Variants in PLK1 observed in about 807,000 individuals in gnomAD.
PLK1 encodes the protein serine/threonine-protein kinase PLK1.
Under a neutral mutation model 56.7 loss-of-function variants are expected in PLK1, and 6 were observed. That is an observed-to-expected ratio of 0.11 (90% CI 0.06 to 0.21). The LOEUF (loss-of-function observed/expected upper bound fraction) is 0.21, where lower values mean the gene tolerates loss of function less well. Ranked by LOEUF, PLK1 falls within the 10% of genes least tolerant of loss-of-function variation. The probability of loss-of-function intolerance (pLI) is 1.00; values close to 1 mark genes in which losing one functional copy is unlikely to be tolerated. For synonymous variants in PLK1, 298 were observed against 325.0 expected (o/e 0.92, Z 0.89); for missense variants, 546 against 814.4 (o/e 0.67, Z 4.01).
Position 23,678,898 on chromosome 16 carries a change from G to A in PLK1, c.-35G>A, listed in dbSNP as rs113553976. 4 of 1,460,230 alleles carry A rather than the reference G, an allele frequency of 2.7e-6. No individual in the cohort carries two copies. Among genetic ancestry groups the A allele is most frequent in the Non-Finnish European group, 2.7e-6 (3 of 1,104,776 alleles). The allele number at this position is 1,460,230 out of a possible 1,614,324, so 90.5% of individuals were successfully genotyped here. A position where few individuals can be genotyped will look rare whatever the true frequency, so the allele number is the denominator to read the frequency against. Reference sequence around the variant, plus strand: ...AGGAGCGGAGCGGTGCGGAGGCTCTGCTCGGATCGAGGTCTGCAGCGCAGC... The same window carrying A: ...AGGAGCGGAGCGGTGCGGAGGCTCTACTCGGATCGAGGTCTGCAGCGCAGC... On this transcript the variant is annotated 5_prime_UTR_variant, in exon 1 of 10. Coordinates refer to ENST00000300093, the MANE Select transcript of PLK1 (RefSeq NM_005030.6).
chr16:23,689,044 A>G lies in PLK1; in HGVS notation c.1271-194A>G, dbSNP rs1195457812. ...ACTACAGGCGTGCACCATTATGCTC[A>G]GCTAATTTTTAAAATATTTTGTAGA... is the stretch of plus-strand genomic sequence containing the variant. On this transcript the variant is annotated intron_variant, in intron 7 of 9. Transcript: ENST00000300093. The surrounding 1 kb of genome is among the most constrained non-coding windows in gnomAD (Gnocchi z 4.8). 6.6e-6 allele frequency among the ~76,000 whole-genome samples: 1 copy of G among 152,036 alleles called. No individual in the cohort carries two copies. The highest frequency in any genetic ancestry group is 1.5e-5 in the Non-Finnish European group (1 of 68,010).
Position 23,683,978 on chromosome 16 carries a change from T to C in PLK1, c.925T>C (p.Tyr309His). ...LLNDEFFTSG[Y>H]IPARLPITCL... ...TAATGACGAGTTCTTTACTTCTGGC[T>C]ATATCCCTGCCCGTCTCCCCATCAC... The change falls in exon 5 of 10, where the codon TAT (tyrosine) becomes CAT (histidine). Residue 309 changes from tyrosine to histidine, a missense_variant. Tyr to His is a moderately conservative substitution (Grantham distance 83). This residue lies in a region of PLK1 where 157 missense variants were observed against 184.0 expected (regional missense o/e 0.85). Transcript: ENST00000300093. 6.2e-7 allele frequency: 1 copy of C among 1,614,160 alleles called. No individual in the cohort carries two copies. Among genetic ancestry groups the C allele is most frequent in the Non-Finnish European group, 8.5e-7 (1 of 1,180,000 alleles).
chr16:23,684,389 ATT>A (rs1035070421), intron 5 of PLK1, among the ~76,000 whole-genome samples: 113 of 152,154 alleles, frequency 7.4e-4, no homozygotes, highest in Non-Finnish European at 1.2e-3. Context: ...TCTCTCCTCT[ATT>A]TTCCAGGTTG....
Position 23,689,632 on chromosome 16 carries a change from A to T in PLK1, c.1564A>T (p.Ile522Phe). 6.2e-7 allele frequency: 1 copy of T among 1,612,010 alleles called. No homozygotes were observed. The highest frequency in any genetic ancestry group is 8.5e-7 in the Non-Finnish European group (1 of 1,179,272). ...CTGGTTCCGCACCCGCAGCGCCATC[A>T]TCCTGCACCTCAGCAACGGCAGCGT... Reference protein sequence around the residue: ...RTWFRTRSAIILHLSNGSVQI... With the variant: ...RTWFRTRSAIFLHLSNGSVQI... The change falls in exon 9 of 10, where the codon ATC becomes TTC. Residue 522 changes from isoleucine (I) to phenylalanine (F), a missense_variant. Ile to Phe is a conservative substitution (Grantham distance 21, BLOSUM62 0). This residue lies in a region of PLK1 where 113 missense variants were observed against 202.0 expected (regional missense o/e 0.56). Coordinates refer to ENST00000300093, the MANE Select transcript of PLK1 (RefSeq NM_005030.6). The surrounding 1 kb of genome is among the most constrained non-coding windows in gnomAD (Gnocchi z 4.8).
intron 5 of PLK1, among the ~76,000 whole-genome samples, chr16:23,685,888 T>C (rs1441718647): frequency 6.6e-6 from 1 of 152,078 alleles, no homozygotes; most frequent in Non-Finnish European, 1.5e-5. Context: ...TTTCCTCACT[T>C]TTTTTGCATT....
intron 2 of PLK1, 47 bp downstream of exon 2, chr16:23,680,299 T>A: frequency 1.3e-6 from 2 of 1,559,688 alleles, no homozygotes; most frequent in Non-Finnish European, 1.8e-6. Flanking sequence ...TACAAGAGGC[T>A]GGAATTTGGA....
chr16:23,680,219 C>T lies in PLK1; in HGVS notation c.544C>T (p.Leu182Phe). 6.2e-7 allele frequency: 1 copy of T among 1,614,094 alleles called. No homozygotes were observed. Among genetic ancestry groups the T allele is most frequent in the African/African-American group, 1.3e-5 (1 of 75,044 alleles). ...VIHRDLKLGNLFLNEDLEVKI... is the reference protein window; with the variant it reads ...VIHRDLKLGNFFLNEDLEVKI... ...TCATCGAGACCTCAAGCTGGGCAACCTTTTCCTGAATGAAGATCTGGAGGT... is the reference window on the plus strand; with the variant it reads ...TCATCGAGACCTCAAGCTGGGCAACTTTTTCCTGAATGAAGATCTGGAGGT... Residue 182 changes from leucine to phenylalanine, a missense_variant, in exon 2 of 10, where the codon CTT becomes TTT. Physicochemically the swap from Leu to Phe is conservative, Grantham distance 22. Around this residue, in one of 7 missense-constraint regions of PLK1, gnomAD observed 111 missense variants for 211.8 expected, o/e 0.52. Coordinates refer to ENST00000300093, the MANE Select transcript of PLK1 (RefSeq NM_005030.6).
chr16:23,680,339 C>T, intron 2 of PLK1, 87 bp downstream of exon 2: 1 of 1,131,352 alleles, frequency 8.8e-7, no homozygotes, highest in Non-Finnish European at 1.3e-6. Context: ...GGAGACAACC[C>T]ACAAGTCAGT....
chr16:23,680,012 G>A (rs1163313627), intron 1 of PLK1, 72 bp from the exon 2 acceptor site: 6 of 1,085,996 alleles, frequency 5.5e-6, no homozygotes, highest in Non-Finnish European at 8.3e-6. Flanking sequence ...CCTTTGCCTG[G>A]TAACCCTCTC....
chr16:23,680,152 A>G lies in PLK1; in HGVS notation c.477A>G (p.Gln159=), dbSNP rs778386622. ...CTGAGGCCCGATACTACCTACGGCA[A>G]ATTGTGCTTGGCTGCCAGTACCTGC... ...TEPEARYYLR[Q]IVLGCQYLHR... is the part of the protein sequence containing the mutation. Residue 159 remains glutamine (Q), a synonymous_variant, in exon 2 of 10, where the codon CAA becomes CAG. Coordinates refer to ENST00000300093, the MANE Select transcript of PLK1 (RefSeq NM_005030.6). 6.2e-7 allele frequency: 1 copy of G among 1,613,998 alleles called. No individual in the cohort carries two copies. The highest frequency in any genetic ancestry group is 1.7e-5 in the Admixed American group (1 of 60,008).
rs781776740 is a variant in PLK1 at position 23,687,499 on chromosome 16, G to A, written c.1067G>A (p.Arg356Gln). The A allele has an allele frequency of 9.4e-6, 15 of 1,595,472 alleles. No individual in the cohort carries two copies. Among genetic ancestry groups the A allele is most frequent in the East Asian group, 4.6e-5 (2 of 43,870 alleles). ...GLENPLPERP[R>Q]EKEEPVVRET... is the part of the protein sequence containing the mutation. ...GAGAACCCCCTGCCTGAGCGTCCCC[G>A]GGAAAAAGAAGAACCAGTGGTTCGA... is the stretch of plus-strand genomic sequence containing the variant. The change falls in exon 6 of 10, where the codon CGG (arginine) becomes CAG (glutamine). Residue 356 changes from arginine to glutamine, a missense_variant. By Grantham distance (43) the Arg-to-Gln change is conservative. Transcript: ENST00000300093.
chr16:23,687,256 G>A, intron 5 of PLK1: 1 of 366,300 alleles, frequency 2.7e-6, no homozygotes, highest in Non-Finnish European at 4.9e-6. Flanking sequence ...ACACCGTTGG[G>A]TCAGAGGCCA....
chr16:23,679,155 A>G lies in PLK1; in HGVS notation c.223A>G (p.Thr75Ala), dbSNP rs1959283748. Residue 75 changes from threonine (T) to alanine (A), a missense_variant, in exon 1 of 10, where the codon ACC becomes GCC. This residue lies in a region of PLK1 where 111 missense variants were observed against 211.8 expected (regional missense o/e 0.52). Coordinates refer to ENST00000300093, the MANE Select transcript of PLK1 (RefSeq NM_005030.6). Reference sequence around the variant, plus strand: ...GTGCTTCGAGATCTCGGACGCGGACACCAAGGAGGTGTTCGCGGGCAAGAT... The same window carrying G: ...GTGCTTCGAGATCTCGGACGCGGACGCCAAGGAGGTGTTCGCGGGCAAGAT... ...AKCFEISDADTKEVFAGKIVP... is the reference protein window; with the variant it reads ...AKCFEISDADAKEVFAGKIVP... 2.5e-6 allele frequency: 4 copies of G among 1,613,570 alleles called. No homozygotes were observed. The highest frequency in any genetic ancestry group is 3.4e-6 in the Non-Finnish European group (4 of 1,179,650).
In PLK1 at chr16:23,689,121, C is replaced by T. The variant is rs1048827262; in HGVS notation, c.1271-117C>T. The T allele has an allele frequency of 2.2e-6, 2 of 894,142 alleles. No individual in the cohort carries two copies. Among genetic ancestry groups the T allele is most frequent in the Admixed American group, 4.1e-5 (2 of 49,226 alleles). The allele number at this position is 894,142 out of a possible 1,614,324, so 55.4% of individuals were successfully genotyped here. On this transcript the variant is annotated intron_variant, in intron 7 of 9. Coordinates refer to ENST00000300093, the MANE Select transcript of PLK1 (RefSeq NM_005030.6). The surrounding 1 kb of genome is among the most constrained non-coding windows in gnomAD (Gnocchi z 4.8). ...CTGGTCTCAAACTCCTGGGCTCAAACAATCCTCCTCCCTCAGCCTCCCAAA... is the reference window on the plus strand; with the variant it reads ...CTGGTCTCAAACTCCTGGGCTCAAATAATCCTCCTCCCTCAGCCTCCCAAA...
chr16:23,680,014 A>C, intron 1 of PLK1, 70 bp from the exon 2 acceptor site: 1 of 1,089,812 alleles, frequency 9.2e-7, no homozygotes, highest in Non-Finnish European at 1.4e-6. Context: ...TTTGCCTGGT[A>C]ACCCTCTCCC....
chr16:23,687,552 C>T lies in PLK1; in HGVS notation c.1120C>T (p.Leu374Phe). 5 of 1,605,218 alleles carry T rather than the reference C, an allele frequency of 3.1e-6. No homozygotes were observed. The highest frequency in any genetic ancestry group is 4.3e-6 in the Non-Finnish European group (5 of 1,175,114). ...RETGEVVDCHLSDMLQQLHSV... is the reference protein window; with the variant it reads ...RETGEVVDCHFSDMLQQLHSV... ...GACAGGTGAGGTGGTCGACTGCCAC[C>T]TCAGTGACATGCTGCAGCAGCTGCA... Residue 374 changes from leucine (L) to phenylalanine (F), a missense_variant, in exon 6 of 10, where the codon CTC becomes TTC. By Grantham distance (22) the Leu-to-Phe change is conservative (BLOSUM62 0). Transcript: ENST00000300093.
intron 4 of PLK1, among the ~76,000 whole-genome samples, chr16:23,683,625 C>T (rs1011271531): frequency 1.3e-5 from 2 of 152,154 alleles, no homozygotes; most frequent in African/African-American, 2.4e-5. Context: ...GCTTTCCTGG[C>T]ACATAGTGAG....
At position 23,686,407 on chromosome 16, in the gene PLK1, C is replaced by T. The variant is rs1480630745; in HGVS notation, c.1037-1062C>T. On this transcript the variant is annotated intron_variant, in intron 5 of 9. Coordinates refer to ENST00000300093, the MANE Select transcript of PLK1 (RefSeq NM_005030.6). The stretch of plus-strand genomic sequence containing the variant: ...GAGTCCCATGTTTCATCTATTTTTA[C>T]TAGTTATCAACATTTGGACAGACTG... Among the ~76,000 whole-genome samples the T allele has an allele frequency of 2.6e-5, 4 of 152,322 alleles. No homozygotes were observed. In the East Asian group the frequency reaches 7.7e-4, roughly 29 times the overall value.
intron 2 of PLK1, among the ~76,000 whole-genome samples, chr16:23,680,680 T>C (rs1348781941): frequency 6.6e-6 from 1 of 152,204 alleles, no homozygotes; most frequent in Non-Finnish European, 1.5e-5. Flanking sequence ...TGTCAGTTCC[T>C]GTTTCAAAGC....
Sources: allele counts gnomAD v4.1 joint callset (sites outside exome capture counted in the v4.1 genomes callset), GRCh38; gene constraint gnomAD v4.1.1; regional missense constraint gnomAD v4.1.1; non-coding constraint Gnocchi (gnomAD v3.1); transcripts MANE v1.5; gene names NCBI Gene and HGNC (gene_info 2026-07-23, HGNC 2026-07-21).